The following PMM1 variants were observed in gnomAD, a reference collection of about 807,000 sequenced individuals.
The protein encoded by PMM1 is phosphomannomutase 1, also known as brain glucose-1,6-bisphosphatase.
A neutral mutation model predicts 34.0 loss-of-function variants in PMM1; 25 were observed. The ratio of observed to expected loss-of-function variants is 0.73; its 90% CI spans 0.54 to 1.03. The LOEUF (loss-of-function observed/expected upper bound fraction) is 1.03, where lower values mean the gene tolerates loss of function less well. Among genes scored for constraint, PMM1 ranks in the 50% least tolerant of loss-of-function variants. PMM1 has a pLI of 0.00. For synonymous variants in PMM1, 134 were observed against 143.9 expected, an observed-to-expected ratio of 0.93 and a Z score of 0.49; for missense variants, 321 against 350.1, an observed-to-expected ratio of 0.92 and a Z score of 0.66.
intron 1 of PMM1, chr22:41,588,698 C>G: frequency 1.0e-6 from 1 of 985,500 alleles, no homozygotes; most frequent in Non-Finnish European, 1.2e-6. Context: ...GGATCCACCC[C>G]TGCAGGAAGG....
chr22:41,580,844 C>T (rs1045667707), intron 5 of PMM1, among the ~76,000 whole-genome samples: 3 of 152,008 alleles, frequency 2.0e-5, no homozygotes, highest in African/African-American at 2.4e-5. Context: ...AGGCCGGGCG[C>T]GGTGGCTCAT....
Position 41,577,894 on chromosome 22 carries a change from C to A in PMM1, c.580G>T (p.Glu194Ter), listed in dbSNP as rs376315549. ...GGMISFDVFP[E>*]GWDKRYCLDS... is the part of the protein sequence containing the mutation. ...AGGCAGTAGCGCTTGTCCCAGCCCT[C>A]GGGGAAGACGTCAAAGCTGATCATG... The change falls in exon 7 of 8, where the codon GAG becomes TAG. Residue 194 changes from glutamate (E) to a stop codon, truncating the protein, a stop_gained. Coordinates refer to ENST00000216259, the MANE Select transcript of PMM1 (RefSeq NM_002676.3). LOFTEE classifies it high-confidence loss of function. 9 of 1,613,330 alleles carry A rather than the reference C, an allele frequency of 5.6e-6. No individual in the cohort carries two copies. Among genetic ancestry groups the A allele is most frequent in the Non-Finnish European group, 5.9e-6 (7 of 1,179,924 alleles).
chr22:41,578,933 G>C (rs765040496), intron 5 of PMM1, 52 bp from the exon 6 acceptor site: 4 of 1,522,606 alleles, frequency 2.6e-6, no homozygotes, highest in Non-Finnish European at 3.6e-6. Flanking sequence ...TGTGTGCCAG[G>C]CCCTGGCTGG....
chr22:41,587,990 G>A (rs1466045023), intron 1 of PMM1, among the ~76,000 whole-genome samples: 1 of 152,240 alleles, frequency 6.6e-6, no homozygotes, highest in African/African-American at 2.4e-5. Flanking sequence ...GGAGCAAAAG[G>A]TCAGAGGGAG....
chr22:41,588,014 G>A (rs2147020102), intron 1 of PMM1, among the ~76,000 whole-genome samples: 1 of 152,342 alleles, frequency 6.6e-6, no homozygotes, highest in Non-Finnish European at 1.5e-5. Context: ...TCAGAACTGT[G>A]CCTAGGCCCT....
Position 41,584,002 on chromosome 22 carries a change from C to T in PMM1, c.431G>A (p.Ser144Asn), listed in dbSNP as rs1326452928. The T allele has an allele frequency of 6.2e-7, 1 of 1,614,040 alleles. No homozygotes were observed. The highest frequency in any genetic ancestry group is 8.5e-7 in the Non-Finnish European group (1 of 1,179,910). ...GMLNISPIGR[S>N]CTLEERIEFS... is the part of the protein sequence containing the mutation. ...CTCGATCCTCTCCTCCAGGGTGCAGCTCCGGCCGATGGGCGAGATGTTCAG... is the reference window on the plus strand; with the variant it reads ...CTCGATCCTCTCCTCCAGGGTGCAGTTCCGGCCGATGGGCGAGATGTTCAG... Residue 144 changes from serine (S) to asparagine (N), a missense_variant, in exon 5 of 8, where the codon AGC becomes AAC. Ser to Asn is a conservative substitution (Grantham distance 46, BLOSUM62 1). Transcript: ENST00000216259.
At chr22:41,583,702 G>C (rs1265217542) in intron 5 of PMM1, among the ~76,000 whole-genome samples, 1 of 152,116 alleles carries the variant, frequency 6.6e-6, no homozygotes, top group Non-Finnish European at 1.5e-5. Flanking sequence ...GATGTGGGTG[G>C]GAAGGTGGAA....
Position 41,584,068 on chromosome 22 carries a change from A to T in PMM1, c.375-10T>A. 6.3e-7 allele frequency: 1 copy of T among 1,599,760 alleles called. No individual in the cohort carries two copies. The highest frequency in any genetic ancestry group is 8.6e-7 in the Non-Finnish European group (1 of 1,167,262). ...CTCGATGAAGGTTCCACTGGTGGTG[A>T]GGGAGGGCGGGGAGCCAGAGAGAAC... On this transcript the variant is annotated splice_polypyrimidine_tract_variant and intron_variant, in intron 4 of 7. Coordinates refer to ENST00000216259, the MANE Select transcript of PMM1 (RefSeq NM_002676.3).
At position 41,583,996 on chromosome 22, in the gene PMM1, G is replaced by A. The variant is rs749651441; in HGVS notation, c.437C>T (p.Thr146Ile). 5 of 1,613,768 alleles carry A rather than the reference G, an allele frequency of 3.1e-6. No homozygotes were observed. The African/African-American group carries it at 5.3e-5, about 17-fold the overall frequency. Residue 146 changes from threonine (T) to isoleucine (I), a missense_variant, in exon 5 of 8, where the codon ACC (threonine) becomes ATC (isoleucine). Thr to Ile is a moderately conservative substitution (Grantham distance 89). Transcript: ENST00000216259. ...LNISPIGRSC[T>I]LEERIEFSEL... is the part of the protein sequence containing the mutation. Reference sequence around the variant, plus strand: ...GGAGAACTCGATCCTCTCCTCCAGGGTGCAGCTCCGGCCGATGGGCGAGAT... The same window carrying A: ...GGAGAACTCGATCCTCTCCTCCAGGATGCAGCTCCGGCCGATGGGCGAGAT...
At chr22:41,578,491 CA>C (rs2067202268) in intron 6 of PMM1, among the ~76,000 whole-genome samples, 1 of 151,872 alleles carries the variant, frequency 6.6e-6, no homozygotes, top group South Asian at 2.1e-4. Flanking sequence ...GGATTCCAGA[CA>C]GGGGGCCCTG....
At chr22:41,578,387 G>T (rs555580171) in intron 6 of PMM1, among the ~76,000 whole-genome samples, 2 of 152,274 alleles carry the variant, frequency 1.3e-5, no homozygotes, top group East Asian at 3.9e-4. Context: ...CTGGCCACTG[G>T]GGAATGGGTG....
chr22:41,586,264 T>TC (rs2067306791), intron 1 of PMM1, 71 bp from the exon 2 acceptor site: 2 of 1,590,110 alleles, frequency 1.3e-6, no homozygotes, highest in South Asian at 2.2e-5. Context: ...AGCCCTCACT[T>TC]AGTGCTGAGA....
chr22:41,577,587 G>T, intron 7 of PMM1, 147 bp from the exon 8 acceptor site: 1 of 979,568 alleles, frequency 1.0e-6, no homozygotes, highest in Non-Finnish European at 1.5e-6. Context: ...CTGACTTGCT[G>T]TGTGATGTAG....
intron 5 of PMM1, among the ~76,000 whole-genome samples, chr22:41,582,645 G>A (rs953405776): frequency 4.6e-5 from 7 of 152,116 alleles, no homozygotes; most frequent in African/African-American, 1.7e-4. Flanking sequence ...GTAGGGGAAG[G>A]AGGAGGAAGT....
rs374322621 is a variant in PMM1 at position 41,589,816 on chromosome 22, C to G, written c.-11G>C. 6.3e-7 allele frequency: 1 copy of G among 1,598,770 alleles called. No individual in the cohort carries two copies. The highest frequency in any genetic ancestry group is 1.3e-5 in the African/African-American group (1 of 74,750). On this transcript the variant is annotated 5_prime_UTR_variant, in exon 1 of 8. Coordinates refer to ENST00000216259, the MANE Select transcript of PMM1 (RefSeq NM_002676.3). ...GGCGGTGACTGCCATGGCTGCAGGT[C>G]CGCGCGCGGGGCGGAGTCCCGAAGA...
chr22:41,577,233 C>T lies in PMM1; in HGVS notation c.*85G>A. ...CAGGCGTCCTGGGCCAGAGGAGGGG[C>T]CCTGGCATCTATCCAACACCAGGAC... On this transcript the variant is annotated 3_prime_UTR_variant, in exon 8 of 8. Coordinates refer to ENST00000216259, the MANE Select transcript of PMM1 (RefSeq NM_002676.3). The T allele has an allele frequency of 6.4e-7, 1 of 1,565,380 alleles. No individual in the cohort carries two copies. Among genetic ancestry groups the T allele is most frequent in the Non-Finnish European group, 8.7e-7 (1 of 1,144,530 alleles).
intron 2 of PMM1, 67 bp downstream of exon 2, chr22:41,586,009 G>A: frequency 8.4e-7 from 1 of 1,187,362 alleles, no homozygotes; most frequent in Non-Finnish European, 1.2e-6. Context: ...AAGCAGGACT[G>A]GATCTTTGAA....
intron 1 of PMM1, 83 bp from the exon 2 acceptor site, chr22:41,586,276 C>T (rs2067306893): frequency 1.3e-6 from 2 of 1,577,724 alleles, no homozygotes; most frequent in South Asian, 2.3e-5. Context: ...GTGCTGAGAA[C>T]CCAGGAAGCC....
At position 41,584,053 on chromosome 22, in the gene PMM1, G is replaced by C; in HGVS notation, c.380C>G (p.Thr127Ser). Reference sequence around the variant, plus strand: ...CATGCCATTCCGGAACTCGATGAAGGTTCCACTGGTGGTGAGGGAGGGCGG... The same window carrying C: ...CATGCCATTCCGGAACTCGATGAAGCTTCCACTGGTGGTGAGGGAGGGCGG... Reference protein sequence around the residue: ...ALLRLPKKRGTFIEFRNGMLN... With the variant: ...ALLRLPKKRGSFIEFRNGMLN... Residue 127 changes from threonine (T) to serine (S), a missense_variant, in exon 5 of 8, where the codon ACC (threonine) becomes AGC (serine). Coordinates refer to ENST00000216259, the MANE Select transcript of PMM1 (RefSeq NM_002676.3). 6.2e-7 allele frequency: 1 copy of C among 1,612,316 alleles called. No homozygotes were observed. Among genetic ancestry groups the C allele is most frequent in the South Asian group, 1.1e-5 (1 of 91,048 alleles).
Sources: gnomAD v4.1 joint callset for allele counts (sites outside exome capture counted in the v4.1 genomes callset) on GRCh38, gnomAD v4.1.1 for gene constraint, MANE v1.5 for transcripts, NCBI Gene and HGNC (gene_info 2026-07-23, HGNC 2026-07-21) for gene names.